The following MGRN1 variants were observed in gnomAD, a reference collection of about 807,000 sequenced individuals.
The protein encoded by MGRN1 is E3 ubiquitin-protein ligase MGRN1.
Under a neutral mutation model 69.2 loss-of-function variants are expected in MGRN1, and 29 were observed. The observed-to-expected ratio is 0.42, with a 90% confidence interval of 0.31 to 0.57. The LOEUF is 0.57. MGRN1 is among the 20% of genes least tolerant of loss of function. The probability of loss-of-function intolerance (pLI) is 0.15; values close to 1 mark genes in which losing one functional copy is unlikely to be tolerated. For synonymous variants in MGRN1, 470 were observed against 344.2 expected (o/e 1.37, Z -4.04); for missense variants, 998 against 796.2 (o/e 1.25, Z -3.05).
In MGRN1 at chr16:4,650,227, C is replaced by T. The variant is rs538478249; in HGVS notation, c.89-138C>T. On this transcript the variant is annotated intron_variant, in intron 1 of 16. Coordinates refer to ENST00000262370, the MANE Select transcript of MGRN1 (RefSeq NM_015246.4). ...CTGAGGCAGAAGAATCGCTTGAACC[C>T]GGTGGGCGGAGCTTGCAGTGAGCTG... 63 of 608,522 alleles carry T rather than the reference C, an allele frequency of 1.0e-4. 1 individual carries two copies. The South Asian group carries it at 1.2e-3, about 11-fold the overall frequency. 37.7% of individuals were successfully genotyped at this position (608,522 alleles called of 1,614,324 possible). A position where few individuals can be genotyped will look rare whatever the true frequency, so the allele number is the denominator to read the frequency against.
chr16:4,670,127 C>T (rs142633022), intron 8 of MGRN1, among the ~76,000 whole-genome samples: 2,301 of 152,130 alleles, frequency 0.015, 31 homozygotes, highest in Non-Finnish European at 0.023. Flanking sequence ...TGCAGTGGCG[C>T]GATCTCAGCT....
intron 5 of MGRN1, 120 bp from the exon 6 acceptor site, chr16:4,664,589 T>G: frequency 9.7e-7 from 1 of 1,032,970 alleles, no homozygotes; most frequent in South Asian, 1.3e-5. Context: ...AGGCGTGTCC[T>G]CTGAGCTCTG....
rs2079388085 is a variant in MGRN1 at position 4,688,585 on chromosome 16, T to C, written c.1619-211T>C. On this transcript the variant is annotated intron_variant, in intron 16 of 16. Transcript: ENST00000262370. ...GGGTGTCCGGGGATCTGGGATCGTC[T>C]GTCCCAAGAGGGACACAGCGTATTT... is the stretch of plus-strand genomic sequence containing the variant. 7 of 1,303,980 alleles carry C rather than the reference T, an allele frequency of 5.4e-6. No homozygotes were observed. In the South Asian group the frequency reaches 1.5e-4, roughly 28 times the overall value. The allele number at this position is 1,303,980 out of a possible 1,614,324, so 80.8% of individuals were successfully genotyped here.
intron 11 of MGRN1, among the ~76,000 whole-genome samples, chr16:4,678,634 A>G (rs1307273555): frequency 6.6e-6 from 1 of 152,122 alleles, no homozygotes. Context: ...GTGGGCAGGG[A>G]GCAGAATGGG....
intron 16 of MGRN1, chr16:4,687,032 T>A (rs1050261061): frequency 2.0e-6 from 2 of 985,542 alleles, no homozygotes; most frequent in African/African-American, 1.7e-5. Flanking sequence ...CTCCTTCCCT[T>A]GTCAGCATGG....
rs1460723563 is a variant in MGRN1, at chr16:4,673,556, T to C, written c.854T>C (p.Leu285Pro). The change falls in exon 10 of 17, where the codon CTG (leucine) becomes CCG (proline). Residue 285 changes from leucine (L) to proline (P), a missense_variant. By Grantham distance (98) the Leu-to-Pro change is moderately conservative (BLOSUM62 -3). Transcript: ENST00000262370. ...SNECVVCLSDLRDTLILPCRH... is the reference protein window; with the variant it reads ...SNECVVCLSDPRDTLILPCRH... ...GAGTGTGTGGTGTGCCTGTCCGACC[T>C]GCGGGACACGCTGATCCTGCCCTGC... 1 of 1,613,788 alleles carries C rather than the reference T, an allele frequency of 6.2e-7. No homozygotes were observed. Among genetic ancestry groups the C allele is most frequent in the Non-Finnish European group, 8.5e-7 (1 of 1,179,984 alleles).
intron 11 of MGRN1, among the ~76,000 whole-genome samples, chr16:4,678,380 T>G (rs1596313152): frequency 1.3e-5 from 2 of 148,670 alleles, no homozygotes; most frequent in African/African-American, 5.0e-5. Context: ...GAGAGAGAGG[T>G]GGAGAGACAC....
Position 4,689,696 on chromosome 16 carries a change from C to G in MGRN1, c.*788C>G, listed in dbSNP as rs1408714697. The G allele has an allele frequency of 6.6e-6, 1 of 152,230 alleles. No individual in the cohort carries two copies. The highest frequency in any genetic ancestry group is 1.9e-4 in the East Asian group (1 of 5,202). The allele number at this position is 152,230 out of a possible 1,614,324, so 9.4% of individuals were successfully genotyped here. ...TGCAGGGGCTTCTGTTTGGCAGGCC[C>G]CTGCCAGGGAGGACCTGGTGGCCTC... On this transcript the variant is annotated 3_prime_UTR_variant, in exon 17 of 17. Coordinates refer to ENST00000262370, the MANE Select transcript of MGRN1 (RefSeq NM_015246.4).
intron 14 of MGRN1, 58 bp from the exon 15 acceptor site, chr16:4,683,166 C>T (rs2079227495): frequency 6.2e-7 from 1 of 1,600,044 alleles, no homozygotes; most frequent in Non-Finnish European, 8.5e-7. Flanking sequence ...GGCGGCTTGT[C>T]CTGGAGCGGT....
At position 4,688,896 on chromosome 16, in the gene MGRN1, G is replaced by A. The variant is rs2079397918; in HGVS notation, c.1719G>A (p.Leu573=). The stretch of plus-strand genomic sequence containing the variant: ...GCCCCGATCCCAGCGCCGCCGAGCT[G>A]ACCCCACTCTGAGAGCCTGGCCGAG... ...GPSPDPSAAE[L]TPL The change falls in exon 17 of 17, where the codon CTG becomes CTA. Residue 573 remains leucine, a synonymous_variant. Coordinates refer to ENST00000262370, the MANE Select transcript of MGRN1 (RefSeq NM_015246.4). The A allele has an allele frequency of 4.5e-6, 7 of 1,546,078 alleles. No individual in the cohort carries two copies. The highest frequency in any genetic ancestry group is 6.1e-6 in the Non-Finnish European group (7 of 1,142,950).
chr16:4,628,079 C>CAAAAAAA (rs747646208), intron 1 of MGRN1, among the ~76,000 whole-genome samples: 1 of 58,012 alleles, frequency 1.7e-5, no homozygotes, highest in African/African-American at 6.5e-5. Context: ...GACTCCGTCT[C>CAAAAAAA]AAAAAAAAAA....
At chr16:4,636,295 T>G (rs1475969591) in intron 1 of MGRN1, among the ~76,000 whole-genome samples, 2 of 151,558 alleles carry the variant, frequency 1.3e-5, no homozygotes, top group East Asian at 3.9e-4. Context: ...TGACTTCTGC[T>G]TGGGTTTGAG....
chr16:4,639,171 T>C (rs2078102615), intron 1 of MGRN1, among the ~76,000 whole-genome samples: 1 of 151,964 alleles, frequency 6.6e-6, no homozygotes, highest in Non-Finnish European at 1.5e-5. Context: ...GTCATGAGGA[T>C]GCGGGGCCGT....
intron 16 of MGRN1, among the ~76,000 whole-genome samples, chr16:4,685,474 G>C (rs1019241403): frequency 6.6e-6 from 1 of 152,200 alleles, no homozygotes; most frequent in Non-Finnish European, 1.5e-5. Context: ...CTGTGGAGGC[G>C]GTAGAGGAGA....
At chr16:4,657,738 CTTTTTTTTTTTTTTT>C (rs1157518931) in intron 5 of MGRN1, among the ~76,000 whole-genome samples, 1 of 76,998 alleles carries the variant, frequency 1.3e-5, no homozygotes, top group Non-Finnish European at 2.5e-5. Context: ...TGCAGACATC[CTTTTTTTTTTTTTTT>C]TTTTTTTTTT....
At position 4,690,160 on chromosome 16, in the gene MGRN1, G is replaced by C. The variant is rs2079424773; in HGVS notation, c.*1252G>C. 1 of 152,382 alleles carries C rather than the reference G, an allele frequency of 6.6e-6. No individual in the cohort carries two copies. The highest frequency in any genetic ancestry group is 1.5e-5 in the Non-Finnish European group (1 of 68,158). 9.4% of individuals were successfully genotyped at this position (152,382 alleles called of 1,614,324 possible). On this transcript the variant is annotated 3_prime_UTR_variant, in exon 17 of 17. Transcript: ENST00000262370. ...AAGCCAGCAGCACACCTGGGGAATG[G>C]GGTCCCGGCCGGGAGGCTTGGCCTC...
At chr16:4,641,927 T>A (rs560166642) in intron 1 of MGRN1, among the ~76,000 whole-genome samples, 10 of 152,116 alleles carry the variant, frequency 6.6e-5, no homozygotes, top group African/African-American at 2.4e-4. Context: ...AGTGCTGGGA[T>A]TATAGGCGTG....
intron 8 of MGRN1, among the ~76,000 whole-genome samples, chr16:4,668,809 TAC>T (rs570896281): frequency 6.1e-4 from 92 of 150,488 alleles, no homozygotes; most frequent in Non-Finnish European, 1.1e-3. Context: ...CACACACGTA[TAC>T]AGACACACAC....
At chr16:4,681,836 G>A in intron 13 of MGRN1, 60 bp downstream of exon 13, 2 of 1,495,820 alleles carry the variant, frequency 1.3e-6, no homozygotes, top group South Asian at 1.2e-5. Flanking sequence ...TGCGGAGCGG[G>A]TGTCTTTGTG....
Sources: allele counts gnomAD v4.1 joint callset (sites outside exome capture counted in the v4.1 genomes callset), GRCh38; gene constraint gnomAD v4.1.1; transcripts MANE v1.5; gene names NCBI Gene and HGNC (gene_info 2026-07-23, HGNC 2026-07-21).